The following SIPA1L3 variants were observed in gnomAD, a reference collection of about 807,000 sequenced individuals.
SIPA1L3 encodes the protein signal-induced proliferation-associated 1-like protein 3.
A neutral mutation model predicts 150.1 loss-of-function variants in SIPA1L3; 59 were observed. That is an observed-to-expected ratio of 0.39 (90% CI 0.32 to 0.49). SIPA1L3 has a LOEUF of 0.49. Among genes scored for constraint, SIPA1L3 ranks in the 20% least tolerant of loss-of-function variants. SIPA1L3 has a pLI of 0.86. For missense variants in SIPA1L3, 2,211 were observed against 2,489.5 expected (o/e 0.89, Z 2.38); for synonymous variants, 1,070 against 1,077.6 (o/e 0.99, Z 0.14).
At chr19:37,912,012 C>T (rs1050195494) in intron 1 of SIPA1L3, among the ~76,000 whole-genome samples, 9 of 151,916 alleles carry the variant, frequency 5.9e-5, no homozygotes, top group African/African-American at 2.2e-4. Flanking sequence ...GCAGAGCTTG[C>T]AGTGAGCCAA....
intron 1 of SIPA1L3, among the ~76,000 whole-genome samples, chr19:37,955,088 CAAAAAAAAA>C (rs34802797): frequency 6.6e-5 from 3 of 45,416 alleles, no homozygotes; most frequent in Non-Finnish European, 1.3e-4. Context: ...TGCTGTCTCT[CAAAAAAAAA>C]AAAAAAAAAA....
rs11434268 is a variant in SIPA1L3, at chr19:38,099,337, CT to C, written c.1666-610del. On this transcript the variant is annotated intron_variant, in intron 4 of 21. Coordinates refer to ENST00000222345, the MANE Select transcript of SIPA1L3 (RefSeq NM_015073.3). The stretch of plus-strand genomic sequence containing the variant: ...CAGGTGTGAGCCACCCACGCCTGGC[CT>C]TTTTTTTTTTTTTTAAATGAAACTG... 9.4e-3 allele frequency among the ~76,000 whole-genome samples: 1,363 copies of C among 145,438 alleles called. 11 individuals carry two copies. Among genetic ancestry groups the C allele is most frequent in the Non-Finnish European group, 0.012 (797 of 66,226 alleles).
intron 10 of SIPA1L3, among the ~76,000 whole-genome samples, chr19:38,140,089 T>A (rs1012126761): frequency 1.3e-5 from 2 of 152,074 alleles, no homozygotes; most frequent in Non-Finnish European, 2.9e-5. Flanking sequence ...CCAGATCTTT[T>A]GCTGGGTGGC....
chr19:38,064,005 G>T (rs1285257355), intron 2 of SIPA1L3, among the ~76,000 whole-genome samples: 1 of 152,174 alleles, frequency 6.6e-6, no homozygotes, highest in African/African-American at 2.4e-5. Context: ...GCGCTTTCAG[G>T]CCCCTCGCCT....
At chr19:37,987,560 G>T (rs1256202447) in intron 1 of SIPA1L3, among the ~76,000 whole-genome samples, 1 of 152,152 alleles carries the variant, frequency 6.6e-6, no homozygotes, top group Non-Finnish European at 1.5e-5. Context: ...ACCCCCCAGC[G>T]GGGATCATCA....
At chr19:38,111,975 A>G (rs1471339826) in intron 8 of SIPA1L3, among the ~76,000 whole-genome samples, 1 of 94,502 alleles carries the variant, frequency 1.1e-5, no homozygotes, top group Admixed American at 9.4e-5. Context: ...ACATGCACAC[A>G]CATGCACACA....
At chr19:38,119,233 TGATCGAA>T in intron 8 of SIPA1L3, 66 bp from the exon 9 acceptor site, 3 of 1,390,442 alleles carry the variant, frequency 2.2e-6, no homozygotes, top group South Asian at 2.7e-5. Flanking sequence ...TCCTATTTTT[TGATCGAA>T]TATTTTCTCT....
intron 1 of SIPA1L3, among the ~76,000 whole-genome samples, chr19:38,000,297 T>C (rs1967750741): frequency 6.6e-6 from 1 of 151,740 alleles, no homozygotes; most frequent in Non-Finnish European, 1.5e-5. Flanking sequence ...TGAAACCCTG[T>C]CTCTACTAAA....
In SIPA1L3 at chr19:38,161,993, G is replaced by A. The variant is rs556504124; in HGVS notation, c.3662-260G>A. Among the ~76,000 whole-genome samples, 10 of 152,346 alleles carry A rather than the reference G, an allele frequency of 6.6e-5. No homozygotes were observed. The South Asian group carries it at 2.1e-3, about 32-fold the overall frequency. On this transcript the variant is annotated intron_variant, in intron 13 of 21. Coordinates refer to ENST00000222345, the MANE Select transcript of SIPA1L3 (RefSeq NM_015073.3). Reference sequence around the variant, plus strand: ...GGAGTTCAAGGTTACAGTGAGCTATGATCATTCCATTGCACTTTAGCCTGG... The same window carrying A: ...GGAGTTCAAGGTTACAGTGAGCTATAATCATTCCATTGCACTTTAGCCTGG...
intron 8 of SIPA1L3, among the ~76,000 whole-genome samples, chr19:38,116,857 A>T (rs970851174): frequency 6.6e-6 from 1 of 152,140 alleles, no homozygotes; most frequent in African/African-American, 2.4e-5. Flanking sequence ...CCATCTCAAA[A>T]AATAATAATA....
At chr19:38,198,278 A>T in intron 18 of SIPA1L3, 111 bp from the exon 19 acceptor site, 1 of 1,255,562 alleles carries the variant, frequency 8.0e-7, no homozygotes, top group Non-Finnish European at 1.1e-6. Context: ...ACCCTGCTGG[A>T]GGTTTTCCTG....
At chr19:37,973,852 G>A (rs1293785825) in intron 1 of SIPA1L3, among the ~76,000 whole-genome samples, 1 of 152,150 alleles carries the variant, frequency 6.6e-6, no homozygotes, top group Non-Finnish European at 1.5e-5. Flanking sequence ...CTTCTCAGAT[G>A]ACTGGATGGT....
intron 4 of SIPA1L3, among the ~76,000 whole-genome samples, chr19:38,092,333 G>A (rs767276655): frequency 2.6e-5 from 4 of 151,776 alleles, no homozygotes; most frequent in Non-Finnish European, 4.4e-5. Flanking sequence ...AAACCTGCAC[G>A]TTGTGCACAT....
At chr19:38,106,028 TG>T (rs1194650043) in intron 6 of SIPA1L3, among the ~76,000 whole-genome samples, 1 of 152,206 alleles carries the variant, frequency 6.6e-6, no homozygotes, top group African/African-American at 2.4e-5. Flanking sequence ...CGCCAACCAT[TG>T]GTGCTGTCAG....
At chr19:38,121,200 T>C (rs1313636378) in intron 9 of SIPA1L3, among the ~76,000 whole-genome samples, 1 of 151,896 alleles carries the variant, frequency 6.6e-6, no homozygotes, top group African/African-American at 2.4e-5. Flanking sequence ...AAAAATAAAT[T>C]AGCCGAGGCA....
At chr19:38,172,331 G>T (rs1156646465) in intron 15 of SIPA1L3, among the ~76,000 whole-genome samples, 1 of 152,192 alleles carries the variant, frequency 6.6e-6, no homozygotes, top group Non-Finnish European at 1.5e-5. Context: ...CAGCCAGCGG[G>T]GACTGATTCT....
At chr19:38,134,301 G>C (rs1971381849) in intron 10 of SIPA1L3, among the ~76,000 whole-genome samples, 1 of 149,094 alleles carries the variant, frequency 6.7e-6, no homozygotes, top group Non-Finnish European at 1.5e-5. Context: ...TTAAAAATCA[G>C]CTAGGTGTGA....
chr19:37,929,063 G>A (rs554683919), intron 1 of SIPA1L3, among the ~76,000 whole-genome samples: 1 of 152,336 alleles, frequency 6.6e-6, no homozygotes, highest in African/African-American at 2.4e-5. Context: ...CTTTAAGAGT[G>A]AGGAAACCTT....
chr19:38,203,508 A>G (rs930504012), intron 20 of SIPA1L3, among the ~76,000 whole-genome samples: 9 of 152,234 alleles, frequency 5.9e-5, no homozygotes, highest in African/African-American at 9.7e-5. Context: ...GAGGATCTGC[A>G]GAGGGGCAGC....
Sources: gnomAD v4.1 joint callset for allele counts (sites outside exome capture counted in the v4.1 genomes callset) on GRCh38, gnomAD v4.1.1 for gene constraint, MANE v1.5 for transcripts, NCBI Gene and HGNC (gene_info 2026-07-23, HGNC 2026-07-21) for gene names.